Variants in GPATCH2 observed in about 807,000 individuals in gnomAD.
GPATCH2 encodes the protein G-patch domain containing 2.
A neutral mutation model predicts 58.0 loss-of-function variants in GPATCH2; 51 were observed. The observed-to-expected ratio is 0.88, with a 90% CI of 0.70 to 1.11. GPATCH2 has a LOEUF of 1.11. Among genes scored for constraint, GPATCH2 ranks in the 50% most tolerant of loss-of-function variants. The pLI is 0.00. For synonymous variants in GPATCH2, 222 were observed against 218.5 expected (o/e 1.02, Z -0.14); for missense variants, 625 against 652.2 (o/e 0.96, Z 0.45).
intron 5 of GPATCH2, among the ~76,000 whole-genome samples, chr1:217,541,238 A>G (rs1319854434): frequency 1.4e-4 from 22 of 152,194 alleles, no homozygotes; most frequent in Admixed American, 1.4e-3. Context: ...CTCATACTGA[A>G]AATTCTGTCA....
rs1312502452 is a variant in GPATCH2, at chr1:217,630,958, G to A, written c.14C>T (p.Ala5Val). 6 of 1,588,462 alleles carry A rather than the reference G, an allele frequency of 3.8e-6. No homozygotes were observed. The highest frequency in any genetic ancestry group is 1.7e-5 in the Admixed American group (1 of 58,810). ...TGGAGCTCCGATCGGTTGGCGCCCG[G>A]CGGCCCCGAACATTAACGACACCCG... MFGA[A>V]GRQPIGAPAA... The change falls in exon 1 of 10, where the codon GCC (alanine) becomes GTC (valine). Residue 5 changes from alanine (A) to valine (V), a missense_variant. Transcript: ENST00000366935.
chr1:217,593,608 T>C (rs574829634), intron 5 of GPATCH2, among the ~76,000 whole-genome samples: 1 of 152,168 alleles, frequency 6.6e-6, no homozygotes, highest in Admixed American at 6.5e-5. Flanking sequence ...CCTTTTAATT[T>C]TATGAGGCTT....
chr1:217,564,455 G>T (rs1477934641), intron 5 of GPATCH2, among the ~76,000 whole-genome samples: 1 of 152,074 alleles, frequency 6.6e-6, no homozygotes, highest in African/African-American at 2.4e-5. Flanking sequence ...AATACCATTT[G>T]TCTTACCCCA....
chr1:217,446,898 A>G (rs1452565913), intron 9 of GPATCH2, among the ~76,000 whole-genome samples: 3 of 152,214 alleles, frequency 2.0e-5, no homozygotes, highest in African/African-American at 7.2e-5. Context: ...CTCCTCAACC[A>G]TTATGCATTT....
At chr1:217,587,594 T>A (rs1667400261) in intron 5 of GPATCH2, among the ~76,000 whole-genome samples, 1 of 152,102 alleles carries the variant, frequency 6.6e-6, no homozygotes, top group Admixed American at 6.5e-5. Context: ...TAATACTCTG[T>A]ATGAACAGTA....
intron 9 of GPATCH2, among the ~76,000 whole-genome samples, chr1:217,444,505 T>A (rs1659293961): frequency 6.6e-6 from 1 of 152,238 alleles, no homozygotes; most frequent in Admixed American, 6.5e-5. Context: ...CATTATTTAG[T>A]CTTTTATCAG....
chr1:217,515,278 A>G (rs1013644501), intron 5 of GPATCH2, among the ~76,000 whole-genome samples: 2 of 151,852 alleles, frequency 1.3e-5, no homozygotes, highest in Non-Finnish European at 2.9e-5. Flanking sequence ...TTGTATTTTT[A>G]GTAGAGACGG....
chr1:217,583,832 T>C (rs896545182), intron 5 of GPATCH2, among the ~76,000 whole-genome samples: 5 of 152,136 alleles, frequency 3.3e-5, no homozygotes, highest in African/African-American at 4.8e-5. Flanking sequence ...GTGGAACAGA[T>C]ATCTCAGAGC....
At chr1:217,579,826 A>G (rs1666977721) in intron 5 of GPATCH2, among the ~76,000 whole-genome samples, 3 of 152,204 alleles carry the variant, frequency 2.0e-5, no homozygotes, top group African/African-American at 7.2e-5. Flanking sequence ...ACTACAGGCT[A>G]TTGTGATCTT....
intron 5 of GPATCH2, among the ~76,000 whole-genome samples, chr1:217,549,327 T>A (rs1665233300): frequency 6.6e-6 from 1 of 152,184 alleles, no homozygotes; most frequent in African/African-American, 2.4e-5. Flanking sequence ...GATATAGACT[T>A]CTCCCTCATG....
chr1:217,590,950 T>C (rs6687023), intron 5 of GPATCH2, among the ~76,000 whole-genome samples: 134 of 152,146 alleles, frequency 8.8e-4, no homozygotes, highest in African/African-American at 2.7e-3. Flanking sequence ...AATTCAGGTA[T>C]GAAAATGGAA....
chr1:217,482,023 C>G (rs903535430), intron 8 of GPATCH2, among the ~76,000 whole-genome samples: 1 of 152,014 alleles, frequency 6.6e-6, no homozygotes, highest in African/African-American at 2.4e-5. Context: ...TAGGTACTAC[C>G]ATTTTCTCTA....
At chr1:217,592,007 TC>T in intron 5 of GPATCH2, among the ~76,000 whole-genome samples, 1 of 80,694 alleles carries the variant, frequency 1.2e-5, no homozygotes, top group Middle Eastern at 5.6e-3. Flanking sequence ...ACTTCGTATA[TC>T]AAAAAAAATG....
chr1:217,463,656 A>G (rs1558410197), intron 8 of GPATCH2, among the ~76,000 whole-genome samples: 1 of 55,940 alleles, frequency 1.8e-5, no homozygotes, highest in African/African-American at 3.9e-5. Context: ...AAAAAAAAAA[A>G]AAAAAAAAAA....
chr1:217,483,343 C>A (rs752264382), intron 8 of GPATCH2, among the ~76,000 whole-genome samples: 12 of 152,072 alleles, frequency 7.9e-5, no homozygotes, highest in Non-Finnish European at 1.6e-4. Context: ...CGCCACCATG[C>A]CTGACTAATA....
intron 5 of GPATCH2, among the ~76,000 whole-genome samples, chr1:217,521,879 A>G (rs2102598033): frequency 6.6e-6 from 1 of 152,316 alleles, no homozygotes; most frequent in African/African-American, 2.4e-5. Flanking sequence ...AGGAATCCGT[A>G]CACGTGTGTT....
intron 5 of GPATCH2, among the ~76,000 whole-genome samples, chr1:217,547,139 A>T (rs1242759): frequency 6.6e-6 from 1 of 151,952 alleles, no homozygotes; most frequent in African/African-American, 2.4e-5. Context: ...CGAGGCAGGC[A>T]GATCACGAGG....
chr1:217,625,110 T>C (rs1486650236), intron 1 of GPATCH2, among the ~76,000 whole-genome samples: 1 of 152,216 alleles, frequency 6.6e-6, no homozygotes, highest in African/African-American at 2.4e-5. Flanking sequence ...TTAAAAATGT[T>C]AGGCCAAAGG....
intron 3 of GPATCH2, among the ~76,000 whole-genome samples, chr1:217,611,662 T>C (rs1357064214): frequency 6.6e-6 from 1 of 152,136 alleles, no homozygotes; most frequent in African/African-American, 2.4e-5. Context: ...TTTCATGATT[T>C]GTATGGAGTG....
Sources: gnomAD v4.1 joint callset for allele counts (sites outside exome capture counted in the v4.1 genomes callset) on GRCh38, gnomAD v4.1.1 for gene constraint, MANE v1.5 for transcripts, NCBI Gene and HGNC (gene_info 2026-07-23, HGNC 2026-07-21) for gene names.